Variants in LMOD1 observed in about 807,000 individuals in gnomAD.
LMOD1 encodes the protein leiomodin 1.
LMOD1 carries 8 observed loss-of-function variants against 36.5 expected under a neutral mutation model. That is an observed-to-expected ratio of 0.22 (90% CI 0.13 to 0.40). The LOEUF is 0.40. Among genes scored for constraint, LMOD1 ranks in the 10% least tolerant of loss-of-function variants. The probability of loss-of-function intolerance (pLI) is 1.00; values close to 1 mark genes in which losing one functional copy is unlikely to be tolerated. For missense variants in LMOD1, 630 were observed against 751.1 expected (o/e 0.84, Z 1.88); for synonymous variants, 284 against 288.7 (o/e 0.98, Z 0.17).
At chr1:201,901,690 G>GTA (rs34800729) in intron 1 of LMOD1, among the ~76,000 whole-genome samples, 43,963 of 98,668 alleles carry the variant, frequency 0.45, 11,893 homozygotes, top group Non-Finnish European at 0.54. Flanking sequence ...ATATATATGT[G>GTA]TATATATATA....
intron 1 of LMOD1, among the ~76,000 whole-genome samples, chr1:201,919,103 T>G (rs1681655657): frequency 6.6e-6 from 1 of 152,048 alleles, no homozygotes; most frequent in Admixed American, 6.6e-5. Context: ...TTGCTCAGGC[T>G]GGTCTCAAAC....
chr1:201,920,377 C>T (rs944149158), intron 1 of LMOD1, among the ~76,000 whole-genome samples: 1 of 152,028 alleles, frequency 6.6e-6, no homozygotes, highest in African/African-American at 2.4e-5. Flanking sequence ...CATACTTTCC[C>T]AGGCCTTGTG....
chr1:201,910,629 G>A (rs751618734), intron 1 of LMOD1, among the ~76,000 whole-genome samples: 1 of 151,342 alleles, frequency 6.6e-6, no homozygotes, highest in Non-Finnish European at 1.5e-5. Context: ...ACATTACTGT[G>A]GTGCCTAAGA....
chr1:201,916,715 A>G (rs976349262), intron 1 of LMOD1, among the ~76,000 whole-genome samples: 8 of 152,150 alleles, frequency 5.3e-5, no homozygotes, highest in African/African-American at 1.9e-4. Flanking sequence ...CACTGTGCTC[A>G]GTCTTCAGCC....
At position 201,900,080 on chromosome 1, in the gene LMOD1, C is replaced by T. The variant is rs767708571; in HGVS notation, c.933G>A (p.Glu311=). Residue 311 remains glutamate (E), a synonymous_variant, in exon 2 of 3, where the codon GAG becomes GAA. Transcript: ENST00000367288. ...CATCAAATATGCTGGGAGCTGCCTC[C>T]TCCTCCACCTTGGCCGGTCCTTCAG... The part of the protein sequence containing the change: ...KPSEGPAKVE[E]EAAPSIFDEP... 4.3e-6 allele frequency: 7 copies of T among 1,613,940 alleles called. No homozygotes were observed. Among genetic ancestry groups the T allele is most frequent in the South Asian group, 2.2e-5 (2 of 91,056 alleles).
intron 1 of LMOD1, among the ~76,000 whole-genome samples, chr1:201,923,225 C>T (rs1681736234): frequency 2.0e-5 from 3 of 152,092 alleles, no homozygotes; most frequent in Admixed American, 1.3e-4. Flanking sequence ...CAGAGTGCAG[C>T]ACGGTGACAG....
intron 1 of LMOD1, among the ~76,000 whole-genome samples, chr1:201,916,205 C>T (rs1008954535): frequency 6.6e-6 from 1 of 152,080 alleles, no homozygotes; most frequent in Non-Finnish European, 1.5e-5. Flanking sequence ...GTGTGAGCCA[C>T]CACACCTGGC....
intron 1 of LMOD1, among the ~76,000 whole-genome samples, chr1:201,920,266 G>C (rs899953529): frequency 1.3e-5 from 2 of 151,680 alleles, no homozygotes; most frequent in Non-Finnish European, 2.9e-5. Context: ...CTCCATGTTG[G>C]CCAGGCTGGT....
intron 1 of LMOD1, among the ~76,000 whole-genome samples, chr1:201,918,709 C>T (rs377019608): frequency 2.6e-5 from 4 of 152,224 alleles, no homozygotes; most frequent in East Asian, 1.9e-4. Flanking sequence ...TGGAAAAGTT[C>T]GACTGTACAA....
chr1:201,910,735 G>A lies in LMOD1; in HGVS notation c.262-9984C>T, dbSNP rs1232368002. ...GGTAACATTTTCCCCTTTTGCAGAT[G>A]GTGTCATTCTTTTTTTTTTTTTTTT... On this transcript the variant is annotated intron_variant, in intron 1 of 2. Transcript: ENST00000367288. 1.3e-4 allele frequency among the ~76,000 whole-genome samples: 17 copies of A among 127,534 alleles called. 1 individual carries two copies. In the South Asian group the frequency reaches 4.5e-3, roughly 34 times the overall value. 83.7% of individuals were successfully genotyped at this position (127,534 alleles called of 152,430 possible).
In LMOD1 at chr1:201,946,102, A is replaced by G. The variant is rs1397423275; in HGVS notation, c.239T>C (p.Met80Thr). 1.2e-6 allele frequency: 2 copies of G among 1,613,832 alleles called. No individual in the cohort carries two copies. The highest frequency in any genetic ancestry group is 8.5e-7 in the Non-Finnish European group (1 of 1,179,830). Residue 80 changes from methionine to threonine, a missense_variant, in exon 1 of 3, where the codon ATG becomes ACG. Met to Thr is a moderately conservative substitution (Grantham distance 81). This residue lies in a region of LMOD1 where 405 missense variants were observed against 400.6 expected (regional missense o/e 1.01). Transcript: ENST00000367288. ...CACATCCATGGACATCTCCCTCTGC[A>G]TAAGTTTCTTGGTCTCCTTTTCACA... ...NFCEKETKKL[M>T]QREMSMDESK...
intron 1 of LMOD1, among the ~76,000 whole-genome samples, chr1:201,915,976 G>T (rs572857340): frequency 2.6e-5 from 4 of 152,026 alleles, no homozygotes; most frequent in African/African-American, 9.6e-5. Context: ...CTGCAGTGCA[G>T]TGGTGTGACA....
intron 1 of LMOD1, among the ~76,000 whole-genome samples, chr1:201,924,670 A>AAAGAAAGAAAGAAAG (rs1359800499): frequency 9.6e-3 from 49 of 5,098 alleles, no homozygotes; most frequent in African/African-American, 0.026. Context: ...GAAAAAAAAG[A>AAAGAAAGAAAGAAAG]AAGAAAGAAA....
intron 1 of LMOD1, among the ~76,000 whole-genome samples, chr1:201,938,542 C>T (rs777957128): frequency 6.6e-6 from 1 of 152,124 alleles, no homozygotes; most frequent in Non-Finnish European, 1.5e-5. Context: ...CTAGCTGGCC[C>T]CTGAGGAGAC....
At position 201,902,096 on chromosome 1, in the gene LMOD1, C is replaced by T. The variant is rs150916598; in HGVS notation, c.262-1345G>A. Among the ~76,000 whole-genome samples the T allele has an allele frequency of 6.6e-3, 999 of 151,126 alleles. 4 individuals are homozygous for T. The highest frequency in any genetic ancestry group is 0.021 in the Middle Eastern group (6 of 292). ...ACAGGTGTGAGCTGCCATGCCCATC[C>T]GATATTTTAAAATTCTATCTACCAT... On this transcript the variant is annotated intron_variant, in intron 1 of 2. Transcript: ENST00000367288.
At chr1:201,937,695 G>A (rs757222884) in intron 1 of LMOD1, among the ~76,000 whole-genome samples, 49 of 152,134 alleles carry the variant, frequency 3.2e-4, no homozygotes, top group Non-Finnish European at 1.2e-4. Flanking sequence ...GAGCCCATGA[G>A]ATGGAAGTTG....
intron 1 of LMOD1, among the ~76,000 whole-genome samples, chr1:201,922,100 G>A (rs191483437): frequency 7.2e-4 from 110 of 152,288 alleles, no homozygotes; most frequent in African/African-American, 2.4e-3. Context: ...AATAAGTGTG[G>A]ACAAGGATGT....
chr1:201,926,067 G>C (rs944007104), intron 1 of LMOD1, among the ~76,000 whole-genome samples: 3 of 152,122 alleles, frequency 2.0e-5, no homozygotes, highest in Non-Finnish European at 4.4e-5. Flanking sequence ...AGAAAAACCA[G>C]GCATATGTGC....
chr1:201,901,528 ATG>A (rs1239907015), intron 1 of LMOD1, among the ~76,000 whole-genome samples: 7,245 of 40,508 alleles, frequency 0.18, 910 homozygotes, highest in African/African-American at 0.3. Context: ...ATATATATAT[ATG>A]TATATATATA....
Sources: gnomAD v4.1 joint callset for allele counts (sites outside exome capture counted in the v4.1 genomes callset) on GRCh38, gnomAD v4.1.1 for gene constraint, gnomAD v4.1.1 regional missense constraint, MANE v1.5 for transcripts, NCBI Gene and HGNC (gene_info 2026-07-23, HGNC 2026-07-21) for gene names.